EXOC4: variants seen among roughly 807,000 people sequenced by gnomAD.
EXOC4 encodes SEC8-like 1.
Under a neutral mutation model 107.2 loss-of-function variants are expected in EXOC4, and 71 were observed. The ratio of observed to expected loss-of-function variants is 0.66; its 90% CI spans 0.55 to 0.81. The LOEUF is 0.81. Ranked by LOEUF, EXOC4 falls within the 30% of genes least tolerant of loss-of-function variation. EXOC4 has a pLI of 0.00. For missense variants in EXOC4, 1,108 were observed against 1,189.6 expected, an observed-to-expected ratio of 0.93 and a Z score of 1.01; for synonymous variants, 456 against 441.2, an observed-to-expected ratio of 1.03 and a Z score of -0.42.
intron 5 of EXOC4, among the ~76,000 whole-genome samples, chr7:133,337,259 A>G (rs1795538947): frequency 6.6e-6 from 1 of 152,146 alleles, no homozygotes; most frequent in Non-Finnish European, 1.5e-5. Flanking sequence ...TTTTGGTTTC[A>G]GTGTAATAAT....
chr7:133,514,319 C>T (rs547082900), intron 9 of EXOC4, among the ~76,000 whole-genome samples: 2 of 152,176 alleles, frequency 1.3e-5, no homozygotes, highest in African/African-American at 4.8e-5. Context: ...CGCATGCCAC[C>T]GCGCCCAGCT....
intron 11 of EXOC4, among the ~76,000 whole-genome samples, chr7:133,842,015 G>A (rs1029419634): frequency 2.6e-5 from 4 of 152,040 alleles, no homozygotes; most frequent in Non-Finnish European, 5.9e-5. Flanking sequence ...AGTATTCCAC[G>A]GTGTATATGT....
At chr7:133,484,995 G>A (rs1192332175) in intron 9 of EXOC4, among the ~76,000 whole-genome samples, 4 of 150,176 alleles carry the variant, frequency 2.7e-5, no homozygotes, top group South Asian at 2.1e-4. Context: ...CAGGAGAATC[G>A]CTTGAACCTG....
chr7:133,324,080 C>T lies in EXOC4; in HGVS notation c.763+6690C>T, dbSNP rs181624226. On this transcript the variant is annotated intron_variant, in intron 5 of 17. Coordinates refer to ENST00000253861, the MANE Select transcript of EXOC4 (RefSeq NM_021807.4). ...ATATCCCCTTTGTCATTTTTTATTGCGTCTGTTTGATTCTTCTCTCTTTTT... is the reference window on the plus strand; with the variant it reads ...ATATCCCCTTTGTCATTTTTTATTGTGTCTGTTTGATTCTTCTCTCTTTTT... Among the ~76,000 whole-genome samples the T allele has an allele frequency of 7.9e-3, 1,204 of 152,008 alleles. 18 individuals are homozygous for T. The highest frequency in any genetic ancestry group is 0.028 in the African/African-American group (1,141 of 41,476).
intron 2 of EXOC4, among the ~76,000 whole-genome samples, chr7:133,279,086 T>C (rs1794068829): frequency 6.6e-6 from 1 of 152,110 alleles, no homozygotes; most frequent in African/African-American, 2.4e-5. Flanking sequence ...TTTTTGTCCT[T>C]GCGATAGTTT....
intron 7 of EXOC4, among the ~76,000 whole-genome samples, chr7:133,425,634 G>A (rs190356157): frequency 1.3e-5 from 2 of 152,204 alleles, no homozygotes; most frequent in East Asian, 1.9e-4. Flanking sequence ...AGGTCATGAC[G>A]GGAACATGGG....
intron 5 of EXOC4, among the ~76,000 whole-genome samples, chr7:133,348,579 C>T (rs959483549): frequency 6.6e-6 from 1 of 152,112 alleles, no homozygotes; most frequent in African/African-American, 2.4e-5. Flanking sequence ...TTTTGTCTCA[C>T]CTAAATTCCT....
chr7:133,547,399 G>A (rs769508128), intron 9 of EXOC4, among the ~76,000 whole-genome samples: 2 of 152,098 alleles, frequency 1.3e-5, no homozygotes, highest in African/African-American at 2.4e-5. Flanking sequence ...CTAACTGATC[G>A]GGATGGTGGT....
At chr7:133,997,317 A>G (rs1443440293) in intron 14 of EXOC4, among the ~76,000 whole-genome samples, 175 bp from the exon 15 acceptor site, 1 of 152,250 alleles carries the variant, frequency 6.6e-6, no homozygotes, top group African/African-American at 2.4e-5. Flanking sequence ...AAGCCACTGC[A>G]CTTCTATGTG....
chr7:133,540,780 T>G (rs1450364258), intron 9 of EXOC4, among the ~76,000 whole-genome samples: 1 of 152,188 alleles, frequency 6.6e-6, no homozygotes, highest in Admixed American at 6.5e-5. Flanking sequence ...AGCTAATAGC[T>G]TCCCATTATA....
At chr7:133,483,717 T>G (rs1255051946) in intron 9 of EXOC4, among the ~76,000 whole-genome samples, 1 of 152,244 alleles carries the variant, frequency 6.6e-6, no homozygotes, top group African/African-American at 2.4e-5. Context: ...CCAGTTTTTG[T>G]AAAAGTCTGA....
At chr7:133,309,767 C>A (rs779708071) in intron 4 of EXOC4, among the ~76,000 whole-genome samples, 10 of 152,060 alleles carry the variant, frequency 6.6e-5, no homozygotes, top group African/African-American at 2.4e-4. Context: ...TGGTAAAACC[C>A]CATCTCTACT....
intron 11 of EXOC4, among the ~76,000 whole-genome samples, chr7:133,884,614 T>TGC (rs933492883): frequency 2.1e-5 from 3 of 144,034 alleles, no homozygotes; most frequent in Non-Finnish European, 4.6e-5. Flanking sequence ...TGTGTGTGTG[T>TGC]GTGTGTGCGC....
chr7:133,964,484 C>T (rs771104187), intron 14 of EXOC4, among the ~76,000 whole-genome samples: 2 of 152,260 alleles, frequency 1.3e-5, no homozygotes, highest in Non-Finnish European at 2.9e-5. Flanking sequence ...CCCTAGCCCC[C>T]GACCTCCCGA....
At chr7:134,019,996 C>T (rs185463663) in intron 17 of EXOC4, among the ~76,000 whole-genome samples, 50 of 152,244 alleles carry the variant, frequency 3.3e-4, no homozygotes, top group Admixed American at 1.4e-3. Context: ...TGTGGGTCTT[C>T]TGCTGGCCTT....
intron 12 of EXOC4, among the ~76,000 whole-genome samples, chr7:133,916,938 G>C (rs1799822030): frequency 6.6e-6 from 1 of 152,214 alleles, no homozygotes; most frequent in Non-Finnish European, 1.5e-5. Flanking sequence ...GGTAAGAGCA[G>C]TGTTAATAGC....
intron 9 of EXOC4, among the ~76,000 whole-genome samples, chr7:133,587,568 C>T (rs2150974125): frequency 6.6e-6 from 1 of 152,302 alleles, no homozygotes. Context: ...AAGGTGTTTG[C>T]ATGTCAGATT....
At chr7:133,853,191 AACTATGTGC>A (rs1798271490) in intron 11 of EXOC4, among the ~76,000 whole-genome samples, 1 of 152,044 alleles carries the variant, frequency 6.6e-6, no homozygotes, top group Non-Finnish European at 1.5e-5. Context: ...CATGGAGGGT[AACTATGTGC>A]TTATTCACTA....
intron 11 of EXOC4, among the ~76,000 whole-genome samples, chr7:133,861,454 G>A (rs982466298): frequency 3.3e-5 from 5 of 152,064 alleles, no homozygotes; most frequent in Admixed American, 2.0e-4. Flanking sequence ...AAACAAAAAC[G>A]GAAACTCCTG....
Sources: allele counts gnomAD v4.1 joint callset (sites outside exome capture counted in the v4.1 genomes callset), GRCh38; gene constraint gnomAD v4.1.1; transcripts MANE v1.5; gene names NCBI Gene and HGNC (gene_info 2026-07-23, HGNC 2026-07-21).